The following TRABD2B variants were observed in gnomAD, a reference collection of about 807,000 sequenced individuals.
TRABD2B encodes TraB domain containing 2B, also known as metalloprotease TIKI2.
In TRABD2B, 14 loss-of-function variants were observed where a neutral mutation model predicts 40.1. That is an observed-to-expected ratio of 0.35 (90% CI 0.23 to 0.55). The LOEUF (loss-of-function observed/expected upper bound fraction) is 0.55. TRABD2B is among the 20% of genes least tolerant of loss of function. The probability of loss-of-function intolerance (pLI) is 0.90; values close to 1 mark genes in which losing one functional copy is unlikely to be tolerated. For missense variants in TRABD2B, 541 were observed against 648.6 expected, an observed-to-expected ratio of 0.83 and a Z score of 1.80; for synonymous variants, 263 against 277.0, an observed-to-expected ratio of 0.95 and a Z score of 0.50.
chr1:47,987,018 C>T (rs575672102), intron 2 of TRABD2B, among the ~76,000 whole-genome samples: 2 of 152,270 alleles, frequency 1.3e-5, no homozygotes, highest in Non-Finnish European at 2.9e-5. Context: ...CAGGCTGTGG[C>T]GCTCACGCCG....
chr1:47,799,357 C>T (rs763725873), intron 3 of TRABD2B, among the ~76,000 whole-genome samples: 4 of 152,160 alleles, frequency 2.6e-5, no homozygotes, highest in Non-Finnish European at 5.9e-5. Context: ...GGGGGTCACT[C>T]GTAGGTGAGA....
chr1:47,995,525 T>C lies in TRABD2B; in HGVS notation c.103-928A>G, dbSNP rs201904241. On this transcript the variant is annotated intron_variant, in intron 1 of 6. Transcript: ENST00000606738. ...GCGTGTGTGTGTGTGTGTGTGCGCG[T>C]GTGTGTGTATGTAGGAGCTGAAGAG... Among the ~76,000 whole-genome samples, 12 of 151,514 alleles carry C rather than the reference T, an allele frequency of 7.9e-5. No individual in the cohort carries two copies. The East Asian group carries it at 1.2e-3, about 15-fold the overall frequency.
chr1:47,815,798 GAGATAGATAGATAGATAGATAGATAGAT>G (rs6143214), intron 2 of TRABD2B, among the ~76,000 whole-genome samples: 30 of 149,132 alleles, frequency 2.0e-4, no homozygotes, highest in South Asian at 6.5e-4. Context: ...GATGGTGACA[GAGATAGATAGATAGATAGATAGATAGAT>G]AGATAGATAG....
At chr1:47,817,054 T>C (rs1048469332) in intron 2 of TRABD2B, among the ~76,000 whole-genome samples, 3 of 152,022 alleles carry the variant, frequency 2.0e-5, no homozygotes, top group African/African-American at 7.2e-5. Flanking sequence ...GGACCTGCCA[T>C]TTGTAGCCAC....
Position 47,976,677 on chromosome 1 carries a change from CA to C in TRABD2B, c.666+17356del, listed in dbSNP as rs532836692. Among the ~76,000 whole-genome samples, 201 of 152,172 alleles carry C rather than the reference CA, an allele frequency of 1.3e-3. 1 individual carries two copies. Among genetic ancestry groups the C allele is most frequent in the African/African-American group, 4.5e-3 (186 of 41,512 alleles). Reference sequence around the variant, plus strand: ...GATTTGCAATTTCAAATAGGGTGGTCAGGGGAAAACATCTTTGAGCACCTGA... The same window carrying C: ...GATTTGCAATTTCAAATAGGGTGGTCGGGGAAAACATCTTTGAGCACCTGA... On this transcript the variant is annotated intron_variant, in intron 2 of 6. Coordinates refer to ENST00000606738, the MANE Select transcript of TRABD2B (RefSeq NM_001194986.2).
intron 2 of TRABD2B, among the ~76,000 whole-genome samples, chr1:47,847,840 A>C (rs1645493196): frequency 6.6e-6 from 1 of 152,080 alleles, no homozygotes; most frequent in Admixed American, 6.5e-5. Context: ...GGCATATAAA[A>C]CTCATATGGC....
chr1:47,965,202 G>GGGGGGGGGGGGCC, intron 2 of TRABD2B, among the ~76,000 whole-genome samples: 1 of 81,578 alleles, frequency 1.2e-5, no homozygotes, highest in Admixed American at 1.3e-4. Context: ...GGCGGGGGGC[G>GGGGGGGGGGGGCC]GGGGGGGGTG....
chr1:47,989,775 AAC>A (rs1418139213), intron 2 of TRABD2B, among the ~76,000 whole-genome samples: 2 of 121,926 alleles, frequency 1.6e-5, no homozygotes, highest in Non-Finnish European at 3.5e-5. Context: ...CACACACACA[AAC>A]ACACACACAC....
chr1:47,774,311 A>G (rs1408482015), intron 6 of TRABD2B, among the ~76,000 whole-genome samples: 3 of 152,200 alleles, frequency 2.0e-5, no homozygotes, highest in Non-Finnish European at 2.9e-5. Context: ...TGGAGACTCT[A>G]TGACTGCTAA....
chr1:47,861,840 T>C (rs183998147), intron 2 of TRABD2B, among the ~76,000 whole-genome samples: 14 of 152,312 alleles, frequency 9.2e-5, no homozygotes, highest in Admixed American at 9.2e-4. Flanking sequence ...ATATTTTTCA[T>C]GAATATAGGT....
At chr1:47,807,067 A>G (rs1644902293) in intron 2 of TRABD2B, among the ~76,000 whole-genome samples, 1 of 152,190 alleles carries the variant, frequency 6.6e-6, no homozygotes, top group Non-Finnish European at 1.5e-5. Context: ...GCCCTTACAG[A>G]GCTCACCTGC....
At chr1:47,950,280 G>T (rs577214033) in intron 2 of TRABD2B, among the ~76,000 whole-genome samples, 2 of 151,684 alleles carry the variant, frequency 1.3e-5, no homozygotes, top group African/African-American at 4.8e-5. Context: ...GCAAGACTCC[G>T]TCTCAAAAGA....
intron 2 of TRABD2B, among the ~76,000 whole-genome samples, chr1:47,804,028 T>C (rs989859103): frequency 6.6e-6 from 1 of 152,162 alleles, no homozygotes. Flanking sequence ...AGTACTAACA[T>C]AGGCAACAGG....
chr1:47,962,971 T>C (rs1259690399), intron 2 of TRABD2B, among the ~76,000 whole-genome samples: 1 of 152,298 alleles, frequency 6.6e-6, no homozygotes, highest in East Asian at 1.9e-4. Context: ...GAAACACAAT[T>C]AGCCTCCCTG....
chr1:47,785,419 A>C (rs1489371964), intron 4 of TRABD2B, among the ~76,000 whole-genome samples: 2 of 152,244 alleles, frequency 1.3e-5, no homozygotes, highest in African/African-American at 4.8e-5. Context: ...TGCCTGCTTT[A>C]GCAGCCTTTA....
intron 2 of TRABD2B, among the ~76,000 whole-genome samples, chr1:47,845,508 G>C (rs1645457001): frequency 6.6e-6 from 1 of 152,322 alleles, no homozygotes; most frequent in African/African-American, 2.4e-5. Flanking sequence ...GAGAGGTAAA[G>C]TAATTTGCCC....
chr1:47,878,587 T>C (rs1403345457), intron 2 of TRABD2B, among the ~76,000 whole-genome samples: 1 of 152,136 alleles, frequency 6.6e-6, no homozygotes, highest in Non-Finnish European at 1.5e-5. Flanking sequence ...AATCAAGCAA[T>C]AGCATTTATA....
intron 4 of TRABD2B, among the ~76,000 whole-genome samples, chr1:47,782,724 G>C (rs2124125202): frequency 6.6e-6 from 1 of 152,318 alleles, no homozygotes; most frequent in South Asian, 2.1e-4. Context: ...TCAGGGCCCA[G>C]AGCATGCCGT....
intron 2 of TRABD2B, among the ~76,000 whole-genome samples, chr1:47,934,292 C>T (rs1366572785): frequency 1.3e-5 from 2 of 152,224 alleles, no homozygotes; most frequent in East Asian, 3.8e-4. Flanking sequence ...CTATGCAGGG[C>T]CTGGCCCTGG....
Sources: gnomAD v4.1 joint callset for allele counts (sites outside exome capture counted in the v4.1 genomes callset) on GRCh38, gnomAD v4.1.1 for gene constraint, MANE v1.5 for transcripts, NCBI Gene and HGNC (gene_info 2026-07-23, HGNC 2026-07-21) for gene names.